The following GSG1L variants were observed in gnomAD, a reference collection of about 807,000 sequenced individuals.
The protein encoded by GSG1L is germ cell-specific gene 1-like protein.
In GSG1L, 24 loss-of-function variants were observed where a neutral mutation model predicts 42.1. The ratio of observed to expected loss-of-function variants is 0.57; its 90% confidence interval spans 0.41 to 0.80. GSG1L has a LOEUF of 0.80. Among genes scored for constraint, GSG1L ranks in the 30% least tolerant of loss-of-function variants. The pLI, the probability that GSG1L is intolerant of heterozygous loss-of-function variation, is 0.00. For missense variants in GSG1L, 445 were observed against 472.2 expected, an observed-to-expected ratio of 0.94 and a Z score of 0.53; for synonymous variants, 215 against 203.5, an observed-to-expected ratio of 1.06 and a Z score of -0.48.
chr16:27,984,557 G>GT (rs1231574681), intron 1 of GSG1L, among the ~76,000 whole-genome samples: 2 of 151,944 alleles, frequency 1.3e-5, no homozygotes, highest in Admixed American at 6.6e-5. Context: ...TTAGAAAGAA[G>GT]TTTTTTTTAG....
intron 5 of GSG1L, among the ~76,000 whole-genome samples, chr16:27,813,281 C>CCCTCTATGTGTCCATCTGT (rs71140913): frequency 7.2e-5 from 11 of 152,116 alleles, no homozygotes; most frequent in Non-Finnish European, 1.6e-4. Flanking sequence ...GTCTGTTGTT[C>CCCTCTATGTGTCCATCTGT]CCTCATCATT....
chr16:27,833,492 C>T (rs977999705), intron 4 of GSG1L, among the ~76,000 whole-genome samples: 25 of 152,100 alleles, frequency 1.6e-4, no homozygotes, highest in African/African-American at 6.0e-4. Flanking sequence ...TTTGCCTTCC[C>T]ATATAAATTT....
At chr16:28,005,124 T>A (rs2085624481) in intron 1 of GSG1L, among the ~76,000 whole-genome samples, 1 of 152,136 alleles carries the variant, frequency 6.6e-6, no homozygotes, top group South Asian at 2.1e-4. Flanking sequence ...CCTCTCTCCT[T>A]TTTTTTGAGA....
At chr16:27,868,968 A>AAGAGG (rs139444229) in intron 3 of GSG1L, among the ~76,000 whole-genome samples, 2,529 of 152,214 alleles carry the variant, frequency 0.017, 68 homozygotes, top group African/African-American at 0.058. Flanking sequence ...AAAGGCTTCC[A>AAGAGG]AGGTGAGCTT....
At chr16:28,016,586 T>C (rs2085783511) in intron 1 of GSG1L, among the ~76,000 whole-genome samples, 1 of 152,180 alleles carries the variant, frequency 6.6e-6, no homozygotes, top group African/African-American at 2.4e-5. Context: ...TTACAGATCA[T>C]GAGGTTTTAT....
At chr16:27,915,779 C>A (rs2141057368) in intron 2 of GSG1L, among the ~76,000 whole-genome samples, 2 of 152,236 alleles carry the variant, frequency 1.3e-5, no homozygotes, top group Admixed American at 6.5e-5. Flanking sequence ...ACAGTGGGAC[C>A]ATGTCTCTAA....
Position 28,046,844 on chromosome 16 carries a change from T to C in GSG1L, c.349+16232A>G, listed in dbSNP as rs2086166648. Reference sequence around the variant, plus strand: ...TCTGCCTGGACACGGTTTCCTCTGATCACCTGTGGCCGACTTCCTCTCAGT... The same window carrying C: ...TCTGCCTGGACACGGTTTCCTCTGACCACCTGTGGCCGACTTCCTCTCAGT... On this transcript the variant is annotated intron_variant, in intron 1 of 6. Coordinates refer to ENST00000447459, the MANE Select transcript of GSG1L (RefSeq NM_001109763.2). Among the ~76,000 whole-genome samples the C allele has an allele frequency of 1.3e-5, 2 of 152,202 alleles. 1 individual carries two copies.
At chr16:27,833,651 C>A (rs185406622) in intron 4 of GSG1L, among the ~76,000 whole-genome samples, 1 of 152,094 alleles carries the variant, frequency 6.6e-6, no homozygotes, top group Non-Finnish European at 1.5e-5. Context: ...CAGTTTTCAG[C>A]GTACAAGTCC....
At chr16:28,006,586 G>C (rs12933054) in intron 1 of GSG1L, among the ~76,000 whole-genome samples, 133 of 152,034 alleles carry the variant, frequency 8.7e-4, no homozygotes, top group African/African-American at 2.8e-3. Flanking sequence ...TGGGATTACA[G>C]GCATGAGCCA....
At chr16:27,963,829 T>A (rs542772310) in intron 1 of GSG1L, among the ~76,000 whole-genome samples, 1 of 152,236 alleles carries the variant, frequency 6.6e-6, no homozygotes, top group African/African-American at 2.4e-5. Flanking sequence ...CACCTTGGAT[T>A]TCTATGGGGC....
At chr16:27,898,012 G>A (rs1470686423) in intron 2 of GSG1L, among the ~76,000 whole-genome samples, 1 of 152,198 alleles carries the variant, frequency 6.6e-6, no homozygotes, top group African/African-American at 2.4e-5. Context: ...GAACAAACTA[G>A]TTTATCATTG....
chr16:27,946,584 AG>A (rs56158975), intron 2 of GSG1L, among the ~76,000 whole-genome samples: 561 of 22,448 alleles, frequency 0.025, no homozygotes, highest in Middle Eastern at 0.056. Flanking sequence ...AAAGAAAGAG[AG>A]AGAGAGAGAG....
chr16:28,045,511 C>CA (rs1314247761), intron 1 of GSG1L, among the ~76,000 whole-genome samples: 1 of 151,844 alleles, frequency 6.6e-6, no homozygotes, highest in Non-Finnish European at 1.5e-5. Flanking sequence ...CCTGTCTCTA[C>CA]AAAAAATACA....
chr16:27,885,070 T>C (rs1324679753), intron 2 of GSG1L, among the ~76,000 whole-genome samples: 1 of 152,214 alleles, frequency 6.6e-6, no homozygotes, highest in East Asian at 1.9e-4. Context: ...AATAAACTGC[T>C]GTATTGTTAG....
chr16:27,979,547 C>T (rs1167175150), intron 1 of GSG1L, among the ~76,000 whole-genome samples: 10 of 118,900 alleles, frequency 8.4e-5, no homozygotes, highest in Admixed American at 5.2e-4. Flanking sequence ...CCAGCCTGGG[C>T]GACAGAGTGA....
intron 1 of GSG1L, among the ~76,000 whole-genome samples, chr16:28,031,952 A>G (rs576065085): frequency 4.6e-4 from 70 of 152,324 alleles, no homozygotes; most frequent in African/African-American, 1.4e-3. Flanking sequence ...GGCTCCAACA[A>G]GGAATTATAA....
chr16:27,846,765 T>G (rs1433826472), intron 3 of GSG1L, among the ~76,000 whole-genome samples: 1 of 152,112 alleles, frequency 6.6e-6, no homozygotes, highest in Admixed American at 6.5e-5. Context: ...CCCTCCTGGC[T>G]AATACGGTGA....
intron 1 of GSG1L, among the ~76,000 whole-genome samples, chr16:28,034,177 C>T (rs1327036588): frequency 6.7e-6 from 1 of 149,626 alleles, no homozygotes; most frequent in African/African-American, 2.5e-5. Context: ...CCCATCTCAA[C>T]CCATCCCAAT....
intron 3 of GSG1L, among the ~76,000 whole-genome samples, chr16:27,851,085 A>G (rs1035154344): frequency 6.6e-6 from 1 of 152,222 alleles, no homozygotes; most frequent in Non-Finnish European, 1.5e-5. Flanking sequence ...AGAGACGGCC[A>G]GAAGGTGCGA....
Sources: allele counts gnomAD v4.1 joint callset (sites outside exome capture counted in the v4.1 genomes callset), GRCh38; gene constraint gnomAD v4.1.1; transcripts MANE v1.5; gene names NCBI Gene and HGNC (gene_info 2026-07-23, HGNC 2026-07-21).